Variants in DNAH12 observed in about 807,000 individuals in gnomAD.
DNAH12 encodes axonemal beta dynein heavy chain 12.
Under a neutral mutation model 371.5 loss-of-function variants are expected in DNAH12, and 285 were observed. The observed-to-expected ratio is 0.77, with a 90% CI of 0.70 to 0.85. DNAH12 has a LOEUF of 0.85. DNAH12 is among the 40% of genes least tolerant of loss of function. The pLI, the probability that DNAH12 is intolerant of heterozygous loss-of-function variation, is 0.00. For missense variants in DNAH12, 3,611 were observed against 3,689.4 expected (o/e 0.98, Z 0.55); for synonymous variants, 1,200 against 1,213.0 (o/e 0.99, Z 0.22).
rs1575418488 is a variant in DNAH12 at position 57,301,670 on chromosome 3, TGTA to T, written c.11394+62_11394+64del. The T allele has an allele frequency of 6.1e-6, 9 of 1,469,720 alleles. 1 individual carries two copies. The East Asian group carries it at 1.8e-4, about 29-fold the overall frequency. The allele number at this position is 1,469,720 out of a possible 1,614,324, so 91.0% of individuals were successfully genotyped here. On this transcript the variant is annotated intron_variant, in intron 70 of 73. Transcript: ENST00000495027. ...TCTGTATATTTTACATATTTATACA[TGTA>T]TTTTACACACACACACACACACACA...
intron 36 of DNAH12, among the ~76,000 whole-genome samples, chr3:57,420,369 G>A (rs527243476): frequency 2.4e-4 from 36 of 152,220 alleles, no homozygotes; most frequent in Non-Finnish European, 3.8e-4. Context: ...AATTGTACAC[G>A]TATATGTTAC....
chr3:57,440,257 G>C (rs2065262140), intron 29 of DNAH12, among the ~76,000 whole-genome samples: 1 of 152,158 alleles, frequency 6.6e-6, no homozygotes, highest in South Asian at 2.1e-4. Context: ...ATTCACAATA[G>C]CAAAGACATG....
intron 55 of DNAH12, among the ~76,000 whole-genome samples, chr3:57,372,488 T>C (rs1378193257): frequency 6.6e-6 from 1 of 152,002 alleles, no homozygotes; most frequent in Non-Finnish European, 1.5e-5. Context: ...AGATAAATTA[T>C]TGTCTAAAGT....
At chr3:57,434,479 C>A (rs1300145664) in intron 30 of DNAH12, among the ~76,000 whole-genome samples, 3 of 152,104 alleles carry the variant, frequency 2.0e-5, no homozygotes, top group Non-Finnish European at 2.9e-5. Flanking sequence ...AGAAATAAAT[C>A]TTTGTTTTTT....
At chr3:57,365,471 G>A (rs1188380609) in intron 57 of DNAH12, among the ~76,000 whole-genome samples, 2 of 152,256 alleles carry the variant, frequency 1.3e-5, no homozygotes, top group Admixed American at 6.5e-5. Context: ...TGGGTAGGAG[G>A]AGGGAGAGCA....
At chr3:57,334,195 T>C (rs181186295) in intron 62 of DNAH12, among the ~76,000 whole-genome samples, 1 of 152,332 alleles carries the variant, frequency 6.6e-6, no homozygotes, top group Admixed American at 6.5e-5. Flanking sequence ...TCAATTACAT[T>C]ATATTACATT....
At chr3:57,427,138 A>ATGTGTGTGTGTG (rs71088070) in intron 34 of DNAH12, among the ~76,000 whole-genome samples, 11,079 of 138,704 alleles carry the variant, frequency 0.08, 643 homozygotes, top group East Asian at 0.18. Flanking sequence ...TAAGAAGCGA[A>ATGTGTGTGTGTG]TGTGTGTGTG....
At chr3:57,405,238 GTAAT>G (rs2063988198) in intron 41 of DNAH12, 91 bp from the exon 42 acceptor site, 9 of 1,169,650 alleles carry the variant, frequency 7.7e-6, no homozygotes, top group Non-Finnish European at 1.1e-5. Context: ...ATGTTATAAA[GTAAT>G]TAAGTTTTTA....
intron 66 of DNAH12, among the ~76,000 whole-genome samples, chr3:57,314,192 C>G (rs1306331457): frequency 6.6e-6 from 1 of 152,132 alleles, no homozygotes; most frequent in Non-Finnish European, 1.5e-5. Context: ...GACAAAGAAC[C>G]AGGGTCCTCG....
At position 57,379,258 on chromosome 3, in the gene DNAH12, T is replaced by G. The variant is rs2063339106; in HGVS notation, c.8123A>C (p.Asn2708Thr). The change falls in exon 52 of 74, where the codon AAC becomes ACC. Residue 2708 changes from asparagine (N) to threonine (T), a missense_variant. Asn to Thr is a moderately conservative substitution (Grantham distance 65). Around this residue, in one of 3 missense-constraint regions of DNAH12, gnomAD observed 2,266 missense variants for 2,236.9 expected, o/e 1.01. Coordinates refer to ENST00000495027, the MANE Select transcript of DNAH12 (RefSeq NM_001366028.2). ...MQKIRSEYLM[N>T]PEFDPPKVAK... ...AACCTTAGGGGGATCAAATTCAGGGTTCATTAAGTATTCACTACGAATCTT... is the reference window on the plus strand; with the variant it reads ...AACCTTAGGGGGATCAAATTCAGGGGTCATTAAGTATTCACTACGAATCTT... 6.6e-6 allele frequency: 1 copy of G among 152,004 alleles called. No individual in the cohort carries two copies. The highest frequency in any genetic ancestry group is 2.4e-5 in the African/African-American group (1 of 41,360). 9.4% of individuals were successfully genotyped at this position (152,004 alleles called of 1,614,324 possible).
At chr3:57,458,973 C>T (rs907039077) in intron 20 of DNAH12, among the ~76,000 whole-genome samples, 1 of 152,192 alleles carries the variant, frequency 6.6e-6, no homozygotes, top group Non-Finnish European at 1.5e-5. Context: ...GTACTACTGA[C>T]TCTCAGTAAG....
chr3:57,469,362 T>C (rs2066300853), intron 16 of DNAH12, among the ~76,000 whole-genome samples: 1 of 152,190 alleles, frequency 6.6e-6, no homozygotes, highest in African/African-American at 2.4e-5. Context: ...GGAATGCTTA[T>C]ACACTGTTGC....
At chr3:57,338,827 C>T (rs892502409) in intron 60 of DNAH12, among the ~76,000 whole-genome samples, 6 of 152,258 alleles carry the variant, frequency 3.9e-5, no homozygotes, top group African/African-American at 1.4e-4. Context: ...GCTGTGCAAT[C>T]TTCCAAGTGT....
intron 70 of DNAH12, among the ~76,000 whole-genome samples, chr3:57,300,831 C>T (rs2061329702): frequency 6.6e-6 from 1 of 152,130 alleles, no homozygotes; most frequent in South Asian, 2.1e-4. Context: ...CTCCCCACCC[C>T]ATACTCCTTC....
Position 57,301,862 on chromosome 3 carries a change from A to G in DNAH12, c.11267T>C (p.Leu3756Ser). ...IKGVVVMDSA[L>S]EALSGSLLVG... is the part of the protein sequence containing the mutation. ...AAGTAAGCTACCGGAGAGTGCCTCC[A>G]ATGCAGAATCCATCACAACCACACC... is the stretch of plus-strand genomic sequence containing the variant. Residue 3756 changes from leucine (L) to serine (S), a missense_variant, in exon 70 of 74, where the codon TTG becomes TCG. Transcript: ENST00000495027. 1 of 1,551,652 alleles carries G rather than the reference A, an allele frequency of 6.4e-7. No individual in the cohort carries two copies. The highest frequency in any genetic ancestry group is 8.7e-7 in the Non-Finnish European group (1 of 1,146,984).
At chr3:57,444,325 G>C (rs946765245) in intron 29 of DNAH12, among the ~76,000 whole-genome samples, 1 of 151,804 alleles carries the variant, frequency 6.6e-6, no homozygotes, top group Admixed American at 6.6e-5. Flanking sequence ...CCAGGCTGGA[G>C]TGCAGTGGTG....
intron 72 of DNAH12, 83 bp downstream of exon 72, chr3:57,296,261 A>G (rs921368031): frequency 1.1e-5 from 12 of 1,084,170 alleles, no homozygotes; most frequent in Non-Finnish European, 1.6e-5. Flanking sequence ...TTAAAAGAGG[A>G]CTTTTTTTTT....
rs542611610 is a variant in DNAH12 at position 57,402,266 on chromosome 3, T to C, written c.6948+1043A>G. On this transcript the variant is annotated intron_variant, in intron 43 of 73. Transcript: ENST00000495027. ...CTAAATTTTAGGTTGTAGAAATTGT[T>C]TGTGAAAGGTCAGTGAAAGTGAAAG... The C allele has an allele frequency of 3.8e-4, 237 of 624,008 alleles. 5 individuals are homozygous for C. The South Asian group carries it at 4.6e-3, about 12-fold the overall frequency. The allele number at this position is 624,008 out of a possible 1,614,324, so 38.7% of individuals were successfully genotyped here.
intron 11 of DNAH12, chr3:57,497,922 A>G (rs1389486852): frequency 1.3e-5 from 2 of 152,188 alleles, no homozygotes; most frequent in Non-Finnish European, 2.9e-5. Context: ...AATTCTTAAA[A>G]CTCCATAACA....
Sources: gnomAD v4.1 joint callset for allele counts (sites outside exome capture counted in the v4.1 genomes callset) on GRCh38, gnomAD v4.1.1 for gene constraint, gnomAD v4.1.1 regional missense constraint, MANE v1.5 for transcripts, NCBI Gene and HGNC (gene_info 2026-07-23, HGNC 2026-07-21) for gene names.